Variants in LRP1B observed in about 807,000 individuals in gnomAD.
LRP1B encodes the protein LDL receptor related protein 1B.
A neutral mutation model predicts 556.6 loss-of-function variants in LRP1B; 217 were observed. The ratio of observed to expected loss-of-function variants is 0.39; its 90% CI spans 0.35 to 0.44. LRP1B has a LOEUF of 0.44. Among genes scored for constraint, LRP1B ranks in the 20% least tolerant of loss-of-function variants. The pLI is 1.00. For missense variants in LRP1B, 5,053 were observed against 5,620.8 expected (o/e 0.90, Z 3.23); for synonymous variants, 2,047 against 1,865.8 (o/e 1.10, Z -2.50).
chr2:140,397,768 ATAAT>A (rs1376665369), intron 66 of LRP1B, among the ~76,000 whole-genome samples: 1 of 152,166 alleles, frequency 6.6e-6, no homozygotes, highest in African/African-American at 2.4e-5. Flanking sequence ...AATAAGAAAG[ATAAT>A]TAATATTTGA....
At chr2:140,291,966 C>T (rs572707007) in intron 84 of LRP1B, among the ~76,000 whole-genome samples, 18 of 152,272 alleles carry the variant, frequency 1.2e-4, no homozygotes, top group Admixed American at 3.3e-4. Flanking sequence ...TCCTCTCCAG[C>T]ACCTGTTGTT....
At chr2:142,104,780 C>A (rs1706689329) in intron 1 of LRP1B, among the ~76,000 whole-genome samples, 1 of 152,110 alleles carries the variant, frequency 6.6e-6, no homozygotes, top group African/African-American at 2.4e-5. Flanking sequence ...CTTAACCAAG[C>A]CTTAAAAATG....
At chr2:141,238,505 C>T (rs1425087998) in intron 5 of LRP1B, among the ~76,000 whole-genome samples, 2 of 152,034 alleles carry the variant, frequency 1.3e-5, no homozygotes, top group East Asian at 3.9e-4. Context: ...ACTTATTGAG[C>T]CTGGCTAGCT....
chr2:140,989,778 C>G (rs1214190541), intron 16 of LRP1B, 121 bp from the exon 17 acceptor site: 4 of 886,198 alleles, frequency 4.5e-6, no homozygotes, highest in Non-Finnish European at 6.8e-6. Context: ...GTCATAGAGT[C>G]TGTCATTCAT....
intron 7 of LRP1B, among the ~76,000 whole-genome samples, chr2:141,136,383 C>A (rs111738902): frequency 2.2e-4 from 34 of 151,890 alleles, no homozygotes; most frequent in African/African-American, 6.7e-4. Flanking sequence ...AAATCAGATT[C>A]CTAAGTTGCA....
intron 68 of LRP1B, among the ~76,000 whole-genome samples, chr2:140,376,747 T>C (rs1018201489): frequency 6.6e-6 from 1 of 152,054 alleles, no homozygotes; most frequent in East Asian, 1.9e-4. Flanking sequence ...TTGAATGTGG[T>C]TATTGTGACT....
chr2:140,667,601 T>C (rs757185991), intron 41 of LRP1B, among the ~76,000 whole-genome samples: 48 of 152,228 alleles, frequency 3.2e-4, no homozygotes, highest in Non-Finnish European at 4.7e-4. Flanking sequence ...TGACCTTTGT[T>C]TGAATATCTT....
intron 7 of LRP1B, among the ~76,000 whole-genome samples, chr2:141,138,036 C>T (rs771159717): frequency 8.6e-5 from 13 of 151,858 alleles, no homozygotes; most frequent in Non-Finnish European, 1.6e-4. Context: ...TCCAAGATTT[C>T]GAACTAAAAT....
intron 45 of LRP1B, among the ~76,000 whole-genome samples, chr2:140,537,291 T>A (rs1023766073): frequency 6.6e-6 from 1 of 150,390 alleles, no homozygotes; most frequent in Non-Finnish European, 1.5e-5. Context: ...ACTGAAAGTG[T>A]TTTTGTGTTT....
intron 57 of LRP1B, among the ~76,000 whole-genome samples, chr2:140,491,815 G>A (rs1426002952): frequency 6.6e-6 from 1 of 152,074 alleles, no homozygotes; most frequent in Non-Finnish European, 1.5e-5. Flanking sequence ...TATAATTAAA[G>A]AAAGAAGTAG....
At chr2:141,633,196 A>T (rs1277063365) in intron 2 of LRP1B, among the ~76,000 whole-genome samples, 1 of 152,152 alleles carries the variant, frequency 6.6e-6, no homozygotes, top group Non-Finnish European at 1.5e-5. Context: ...AACTCAAAGG[A>T]GAAAGCTTTT....
intron 60 of LRP1B, among the ~76,000 whole-genome samples, chr2:140,458,837 A>G (rs924327132): frequency 1.3e-5 from 2 of 151,784 alleles, no homozygotes; most frequent in Non-Finnish European, 2.9e-5. Flanking sequence ...TTGATTTTTT[A>G]TTTGTATTCT....
At chr2:142,054,928 A>G (rs536398759) in intron 1 of LRP1B, among the ~76,000 whole-genome samples, 2 of 152,224 alleles carry the variant, frequency 1.3e-5, no homozygotes, top group East Asian at 3.9e-4. Flanking sequence ...AAGAAACACT[A>G]TGTTTCACAT....
chr2:141,621,896 T>C (rs1302450827), intron 2 of LRP1B, among the ~76,000 whole-genome samples: 1 of 150,940 alleles, frequency 6.6e-6, no homozygotes, highest in Admixed American at 6.6e-5. Context: ...TGTTTGTTTG[T>C]TTCTTTGTTT....
chr2:140,545,199 C>G (rs554435874), intron 43 of LRP1B, among the ~76,000 whole-genome samples: 3 of 150,340 alleles, frequency 2.0e-5, no homozygotes, highest in African/African-American at 4.9e-5. Flanking sequence ...CTTTGTCGGA[C>G]TCATAGTTTG....
intron 7 of LRP1B, among the ~76,000 whole-genome samples, chr2:141,108,247 C>A (rs1388959479): frequency 6.7e-6 from 1 of 150,068 alleles, no homozygotes; most frequent in Non-Finnish European, 1.5e-5. Flanking sequence ...ACCAGGAAAA[C>A]TCTTTAAACA....
chr2:141,696,192 A>G (rs1691729062), intron 2 of LRP1B, among the ~76,000 whole-genome samples: 1 of 152,100 alleles, frequency 6.6e-6, no homozygotes, highest in East Asian at 1.9e-4. Flanking sequence ...AAGAAAAGAT[A>G]AATTGCTACT....
In LRP1B at chr2:141,005,394, C is replaced by T. The variant is rs2105373779; in HGVS notation, c.2444G>A (p.Gly815Asp). The T allele has an allele frequency of 6.2e-7, 1 of 1,611,314 alleles. No individual in the cohort carries two copies. Reference sequence around the variant, plus strand: ...ATTATCGGCACAAGCACACACCCGGCCTCCTGGGATAGCCAAGCAAAGTGT... The same window carrying T: ...ATTATCGGCACAAGCACACACCCGGTCTCCTGGGATAGCCAAGCAAAGTGT... ...CSTLCLAIPG[G>D]RVCACADNQL... The change falls in exon 15 of 91, where the codon GGC (glycine) becomes GAC (aspartate). Residue 815 changes from glycine (G) to aspartate (D), a missense_variant. Gly to Asp is a moderately conservative substitution (Grantham distance 94). Transcript: ENST00000389484.
chr2:140,849,404 AAAATCC>A (rs1176772842), intron 29 of LRP1B, among the ~76,000 whole-genome samples: 72 of 8,098 alleles, frequency 8.9e-3, no homozygotes, highest in South Asian at 0.014. Flanking sequence ...AACAAAAAAC[AAAATCC>A]AAAAAAAAAA....
Sources: allele counts gnomAD v4.1 joint callset (sites outside exome capture counted in the v4.1 genomes callset), GRCh38; gene constraint gnomAD v4.1.1; transcripts MANE v1.5; gene names NCBI Gene and HGNC (gene_info 2026-07-23, HGNC 2026-07-21).